LGR5: variants seen among roughly 807,000 people sequenced by gnomAD.
LGR5 encodes leucine-rich repeat-containing G protein-coupled receptor 5.
A neutral mutation model predicts 76.7 loss-of-function variants in LGR5; 54 were observed. The observed-to-expected ratio is 0.70, with a 90% CI of 0.57 to 0.88. The LOEUF is 0.88. Among genes scored for constraint, LGR5 ranks in the 40% least tolerant of loss-of-function variants. LGR5 has a pLI of 0.00. For missense variants in LGR5, 1,078 were observed against 1,073.3 expected (o/e 1.00, Z -0.06); for synonymous variants, 406 against 421.9 (o/e 0.96, Z 0.46).
At chr12:71,457,780 C>T (rs1022343453) in intron 1 of LGR5, among the ~76,000 whole-genome samples, 9 of 152,100 alleles carry the variant, frequency 5.9e-5, no homozygotes, top group Non-Finnish European at 1.3e-4. Flanking sequence ...GAAGCTCAGC[C>T]TTTCACATGT....
At chr12:71,504,743 G>A in intron 2 of LGR5, 58 bp downstream of exon 2, 6 of 1,327,814 alleles carry the variant, frequency 4.5e-6, no homozygotes, top group Non-Finnish European at 6.5e-6. Context: ...TCTTGTGTTT[G>A]TCTCTCATAC....
chr12:71,440,373 C>A lies in LGR5; in HGVS notation c.212+81C>A. The A allele has an allele frequency of 7.3e-7, 1 of 1,360,850 alleles. No homozygotes were observed. The highest frequency in any genetic ancestry group is 1.0e-6 in the Non-Finnish European group (1 of 976,738). The allele number at this position is 1,360,850 out of a possible 1,614,324, so 84.3% of individuals were successfully genotyped here. On this transcript the variant is annotated intron_variant, in intron 1 of 17. Transcript: ENST00000266674. The surrounding 1 kb of genome is among the most constrained non-coding windows in gnomAD (Gnocchi z 5.3). ...GTCCAAGGCGAGGCTGGAGGCTCCT[C>A]GGCGCCCGCCTGCTCGTGGGGGAGG...
intron 4 of LGR5, among the ~76,000 whole-genome samples, chr12:71,541,426 G>A (rs1205956620): frequency 6.6e-6 from 1 of 152,184 alleles, no homozygotes; most frequent in Non-Finnish European, 1.5e-5. Context: ...TTTAAAGCTT[G>A]TGGTGTAAAA....
chr12:71,532,158 A>T (rs561672557), intron 3 of LGR5, among the ~76,000 whole-genome samples: 16 of 152,340 alleles, frequency 1.1e-4, no homozygotes, highest in Non-Finnish European at 2.1e-4. Flanking sequence ...TCTTATTTAA[A>T]TGTAACACAA....
intron 7 of LGR5, 63 bp from the exon 8 acceptor site, chr12:71,561,718 G>A (rs1878066100): frequency 2.3e-6 from 2 of 882,494 alleles, no homozygotes; most frequent in East Asian, 2.7e-5. Context: ...GGTCAGGGTG[G>A]GGGCCTCTAT....
At chr12:71,493,075 A>G (rs1442435200) in intron 1 of LGR5, among the ~76,000 whole-genome samples, 1 of 151,440 alleles carries the variant, frequency 6.6e-6, no homozygotes, top group South Asian at 2.1e-4. Context: ...GTATTTTAAG[A>G]CCAGAATGTT....
chr12:71,562,820 G>A (rs1878126619), intron 8 of LGR5, among the ~76,000 whole-genome samples: 1 of 152,128 alleles, frequency 6.6e-6, no homozygotes, highest in Admixed American at 6.5e-5. Flanking sequence ...TGTTGGTCCT[G>A]TGCCAACTGG....
rs931089638 is a variant in LGR5 at position 71,546,569 on chromosome 12, C to T, written c.429-6504C>T. ...GGGGAGTCACCAAGTTCTGCCAGGC[C>T]CACATATTTAACATCTCTCATAGTA... is the stretch of plus-strand genomic sequence containing the variant. On this transcript the variant is annotated intron_variant, in intron 4 of 17. Coordinates refer to ENST00000266674, the MANE Select transcript of LGR5 (RefSeq NM_003667.4). Among the ~76,000 whole-genome samples, 5 of 152,022 alleles carry T rather than the reference C, an allele frequency of 3.3e-5. No homozygotes were observed. The South Asian group carries it at 8.3e-4, about 25-fold the overall frequency.
intron 1 of LGR5, among the ~76,000 whole-genome samples, chr12:71,488,959 C>A (rs35962369): frequency 0.047 from 7,106 of 152,136 alleles, 213 homozygotes; most frequent in Non-Finnish European, 0.07. Flanking sequence ...TCCAGGGATG[C>A]CCACAGAGGA....
At chr12:71,487,733 T>C (rs967035242) in intron 1 of LGR5, among the ~76,000 whole-genome samples, 1 of 152,210 alleles carries the variant, frequency 6.6e-6, no homozygotes, top group African/African-American at 2.4e-5. Flanking sequence ...AAGGATATCA[T>C]GGTCATGTTT....
chr12:71,493,492 G>T (rs1439437532), intron 1 of LGR5, among the ~76,000 whole-genome samples: 1 of 151,188 alleles, frequency 6.6e-6, no homozygotes, highest in Non-Finnish European at 1.5e-5. Flanking sequence ...ATTTATAGGA[G>T]CCAAACCTGG....
chr12:71,552,504 G>T (rs1386850469), intron 4 of LGR5, among the ~76,000 whole-genome samples: 1 of 151,448 alleles, frequency 6.6e-6, no homozygotes, highest in African/African-American at 2.4e-5. Context: ...GGTGGAGGTT[G>T]CAGTGAGCCG....
rs147803893 is a variant in LGR5 at position 71,480,052 on chromosome 12, A to T, written c.213-24562A>T. Among the ~76,000 whole-genome samples, 776 of 152,224 alleles carry T rather than the reference A, an allele frequency of 5.1e-3. 10 individuals carry two copies. The highest frequency in any genetic ancestry group is 0.018 in the African/African-American group (737 of 41,532). Reference sequence around the variant, plus strand: ...AGAGCGGGCAGGAGTGGAAGCAGAAAGTGGCCAAACACTTAAGAATGAGGA... The same window carrying T: ...AGAGCGGGCAGGAGTGGAAGCAGAATGTGGCCAAACACTTAAGAATGAGGA... On this transcript the variant is annotated intron_variant, in intron 1 of 17. Transcript: ENST00000266674.
intron 2 of LGR5, among the ~76,000 whole-genome samples, chr12:71,521,994 C>T (rs1920553): frequency 0.62 from 93,677 of 151,998 alleles, 29,091 homozygotes; most frequent in East Asian, 0.87. Flanking sequence ...AATCTCTCTA[C>T]TTTGAAGTCC....
chr12:71,506,927 C>T (rs10219704), intron 2 of LGR5, among the ~76,000 whole-genome samples: 2,795 of 152,088 alleles, frequency 0.018, 97 homozygotes, highest in African/African-American at 0.064. Context: ...ATCCCTTTAA[C>T]AGAACATTTT....
intron 2 of LGR5, among the ~76,000 whole-genome samples, chr12:71,508,625 G>A (rs566339260): frequency 1.8e-4 from 28 of 151,840 alleles, no homozygotes; most frequent in Admixed American, 8.5e-4. Context: ...GTTGTGGCGC[G>A]CGCCTGTAGT....
intron 1 of LGR5, among the ~76,000 whole-genome samples, chr12:71,474,161 C>G (rs1347920761): frequency 1.3e-5 from 2 of 151,516 alleles, no homozygotes; most frequent in South Asian, 2.1e-4. Flanking sequence ...AAAAAAATCC[C>G]TTTCACTTTT....
intron 1 of LGR5, among the ~76,000 whole-genome samples, chr12:71,478,007 C>T (rs1397945961): frequency 6.6e-6 from 1 of 152,178 alleles, no homozygotes; most frequent in African/African-American, 2.4e-5. Context: ...AAGATATAAG[C>T]ATGGGTCTTC....
chr12:71,577,232 A>T (rs1280676326), intron 13 of LGR5, among the ~76,000 whole-genome samples: 1 of 152,220 alleles, frequency 6.6e-6, no homozygotes, highest in Non-Finnish European at 1.5e-5. Context: ...TTAAAAATGT[A>T]GTTCTTATTC....
Sources: allele counts gnomAD v4.1 joint callset (sites outside exome capture counted in the v4.1 genomes callset), GRCh38; gene constraint gnomAD v4.1.1; non-coding constraint Gnocchi (gnomAD v3.1); transcripts MANE v1.5; gene names NCBI Gene and HGNC (gene_info 2026-07-23, HGNC 2026-07-21).